GIN1: variants seen among roughly 807,000 people sequenced by gnomAD.
GIN1 encodes the protein gypsy retrotransposon integrase-like protein 1.
Under a neutral mutation model 51.4 loss-of-function variants are expected in GIN1, and 41 were observed. That is an observed-to-expected ratio of 0.80 (90% CI 0.62 to 1.04). The LOEUF (loss-of-function observed/expected upper bound fraction) is 1.04, where lower values mean the gene tolerates loss of function less well. Among genes scored for constraint, GIN1 ranks in the 50% least tolerant of loss-of-function variants. GIN1 has a pLI of 0.00. For synonymous variants in GIN1, 222 were observed against 206.5 expected, an observed-to-expected ratio of 1.07 and a Z score of -0.64; for missense variants, 610 against 612.4, an observed-to-expected ratio of 1.00 and a Z score of 0.04.
At chr5:103,109,769 C>T (rs1787822534) in intron 1 of GIN1, among the ~76,000 whole-genome samples, 2 of 151,994 alleles carry the variant, frequency 1.3e-5, no homozygotes, top group South Asian at 2.1e-4. Flanking sequence ...ATGGCTGCAT[C>T]CCAAACCAAA....
rs371862733 is a variant in GIN1 at position 103,113,844 on chromosome 5, C to G, written c.-7-5130G>C. On this transcript the variant is annotated intron_variant, in intron 1 of 7. Coordinates refer to ENST00000399004, the MANE Select transcript of GIN1 (RefSeq NM_017676.2). ...GCCCCAAGGTCCAACCTCTTAATAC[C>G]ATCACCTTGGTGGTTAGGATTTCAA... Among the ~76,000 whole-genome samples, 18 of 152,270 alleles carry G rather than the reference C, an allele frequency of 1.2e-4. No homozygotes were observed. The East Asian group carries it at 3.1e-3, about 26-fold the overall frequency.
chr5:103,109,592 A>G (rs1253015383), intron 1 of GIN1, among the ~76,000 whole-genome samples: 3 of 152,170 alleles, frequency 2.0e-5, no homozygotes, highest in African/African-American at 7.2e-5. Flanking sequence ...AACATAAAGT[A>G]TATGTCAATT....
rs151209399 is a variant in GIN1 at position 103,103,882 on chromosome 5, C to T, written c.639+659G>A. 6.4e-3 allele frequency among the ~76,000 whole-genome samples: 974 copies of T among 152,228 alleles called. 15 individuals carry two copies. The highest frequency in any genetic ancestry group is 0.023 in the African/African-American group (938 of 41,548). On this transcript the variant is annotated intron_variant, in intron 4 of 7. Transcript: ENST00000399004. ...TCAGTTCATTGTAACCTCCGCCTCC[C>T]GGGCTCAAGTGATCCTCCTATCTCA...
chr5:103,105,245 T>C (rs1222818448), intron 3 of GIN1, among the ~76,000 whole-genome samples: 1 of 152,130 alleles, frequency 6.6e-6, no homozygotes, highest in African/African-American at 2.4e-5. Flanking sequence ...ATGAGTAGAT[T>C]TGGTGACAGG....
rs199812547 is a variant in GIN1 at position 103,097,706 on chromosome 5, T to C, written c.715A>G (p.Thr239Ala). The C allele has an allele frequency of 6.3e-7, 1 of 1,594,238 alleles. No homozygotes were observed. Among genetic ancestry groups the C allele is most frequent in the Non-Finnish European group, 8.6e-7 (1 of 1,161,744 alleles). The change falls in exon 5 of 8, where the codon ACG (threonine) becomes GCG (alanine). Residue 239 changes from threonine (T) to alanine (A), a missense_variant. Transcript: ENST00000399004. ...TTGATTGTGTTAGGTGTACTTTCCG[T>C]TGGGTTAACAGTTCCAGAGGTGTGA... ...ISHTSGTVNP[T>A]ESTPNTIKAF... is the part of the protein sequence containing the mutation.
At chr5:103,107,418 C>G (rs915457023) in intron 2 of GIN1, among the ~76,000 whole-genome samples, 2 of 152,076 alleles carry the variant, frequency 1.3e-5, no homozygotes, top group Admixed American at 1.3e-4. Flanking sequence ...GTGGAAAAAA[C>G]TGTAATCCTC....
intron 4 of GIN1, among the ~76,000 whole-genome samples, chr5:103,103,606 G>T (rs1398474630): frequency 1.3e-5 from 2 of 152,240 alleles, no homozygotes; most frequent in Admixed American, 6.5e-5. Context: ...AGCAGTTGTT[G>T]TATTTCTTAT....
Position 103,087,886 on chromosome 5 carries a change from T to A in GIN1, c.*12A>T, listed in dbSNP as rs782087240. The A allele has an allele frequency of 8.5e-7, 1 of 1,170,270 alleles. No homozygotes were observed. The highest frequency in any genetic ancestry group is 2.5e-5 in the Admixed American group (1 of 40,080). 72.5% of individuals were successfully genotyped at this position (1,170,270 alleles called of 1,614,324 possible). ...ATTCTAAACAAACAATTTAAATAAA[T>A]TTTGGTATTTACTAACTTAAGTATT... On this transcript the variant is annotated 3_prime_UTR_variant, in exon 8 of 8. Transcript: ENST00000399004.
chr5:103,097,704 C>G lies in GIN1; in HGVS notation c.717G>C (p.Thr239=), dbSNP rs376542571. The change falls in exon 5 of 8, where the codon ACG becomes ACC. Residue 239 remains threonine (T), a synonymous_variant. Coordinates refer to ENST00000399004, the MANE Select transcript of GIN1 (RefSeq NM_017676.2). The part of the protein sequence containing the change: ...ISHTSGTVNP[T]ESTPNTIKAF... Reference sequence around the variant, plus strand: ...CTTTGATTGTGTTAGGTGTACTTTCCGTTGGGTTAACAGTTCCAGAGGTGT... The same window carrying G: ...CTTTGATTGTGTTAGGTGTACTTTCGGTTGGGTTAACAGTTCCAGAGGTGT... 16 of 1,599,542 alleles carry G rather than the reference C, an allele frequency of 1.0e-5. No individual in the cohort carries two copies. The highest frequency in any genetic ancestry group is 1.4e-5 in the Non-Finnish European group (16 of 1,166,806).
At chr5:103,098,803 C>T (rs1787482531) in intron 4 of GIN1, among the ~76,000 whole-genome samples, 1 of 152,032 alleles carries the variant, frequency 6.6e-6, no homozygotes, top group South Asian at 2.1e-4. Flanking sequence ...CAAAAACAAC[C>T]CACTAGGTCA....
At chr5:103,116,510 A>G (rs1788033404) in intron 1 of GIN1, among the ~76,000 whole-genome samples, 1 of 152,126 alleles carries the variant, frequency 6.6e-6, no homozygotes, top group Non-Finnish European at 1.5e-5. Context: ...ACAACTTAAA[A>G]CTATACAACT....
At chr5:103,099,337 G>T (rs1327854396) in intron 4 of GIN1, among the ~76,000 whole-genome samples, 1 of 151,798 alleles carries the variant, frequency 6.6e-6, no homozygotes, top group Non-Finnish European at 1.5e-5. Flanking sequence ...CAATAGGAGT[G>T]ACTCTCAATC....
At chr5:103,092,945 C>CAAAAAAAAAAA in intron 7 of GIN1, among the ~76,000 whole-genome samples, 5 of 60,466 alleles carry the variant, frequency 8.3e-5, no homozygotes, top group East Asian at 1.1e-3. Context: ...GAACCTGTCT[C>CAAAAAAAAAAA]AAAAAAAAAA....
intron 1 of GIN1, 120 bp downstream of exon 1, chr5:103,119,944 C>G (rs1788358870): frequency 6.5e-6 from 1 of 152,864 alleles, no homozygotes; most frequent in East Asian, 1.9e-4. Context: ...AATCTCCCCA[C>G]AGACTCAATT....
rs1470987244 is a variant in GIN1 at position 103,087,821 on chromosome 5, TACA to T, written c.*74_*76del. The T allele has an allele frequency of 1.1e-5, 7 of 621,734 alleles. No individual in the cohort carries two copies. The highest frequency in any genetic ancestry group is 1.8e-5 in the African/African-American group (1 of 54,142). 38.5% of individuals were successfully genotyped at this position (621,734 alleles called of 1,614,324 possible). ...AGAATGTGTCAAGATACTTCTTCTA[TACA>T]ACGTTTTTAATGAATAAGATATCAT... On this transcript the variant is annotated 3_prime_UTR_variant, in exon 8 of 8. Transcript: ENST00000399004.
chr5:103,104,111 G>A (rs1440166264), intron 4 of GIN1, among the ~76,000 whole-genome samples: 1 of 151,960 alleles, frequency 6.6e-6, no homozygotes, highest in African/African-American at 2.4e-5. Context: ...CCACCACCAT[G>A]CCCAGTTAAA....
intron 7 of GIN1, among the ~76,000 whole-genome samples, chr5:103,089,420 T>C (rs1164271753): frequency 6.6e-6 from 1 of 151,786 alleles, no homozygotes; most frequent in Non-Finnish European, 1.5e-5. Context: ...TATTTATTTA[T>C]CTTTATTTAC....
At chr5:103,100,535 G>A (rs912089251) in intron 4 of GIN1, among the ~76,000 whole-genome samples, 1 of 151,848 alleles carries the variant, frequency 6.6e-6, no homozygotes, top group Admixed American at 6.6e-5. Flanking sequence ...GGGACTATGA[G>A]TGTGCAACAC....
In GIN1 at chr5:103,096,761, T is replaced by C. The variant is rs753391143; in HGVS notation, c.1074A>G (p.Gln358=). ...SKIIVKKKPK[Q]LNPFHLKVGH... is the part of the protein sequence containing the mutation. ...CCACTTTTAAATGAAATGGATTTAA[T>C]TGTTTGGGTTTCTTTTTAACAATGA... The change falls in exon 7 of 8, where the codon CAA becomes CAG. Residue 358 remains glutamine (Q), a synonymous_variant. Transcript: ENST00000399004. 85 of 1,610,120 alleles carry C rather than the reference T, an allele frequency of 5.3e-5. No individual in the cohort carries two copies. Among genetic ancestry groups the C allele is most frequent in the Non-Finnish European group, 6.7e-5 (79 of 1,176,490 alleles).
Sources: gnomAD v4.1 joint callset for allele counts (sites outside exome capture counted in the v4.1 genomes callset) on GRCh38, gnomAD v4.1.1 for gene constraint, MANE v1.5 for transcripts, NCBI Gene and HGNC (gene_info 2026-07-23, HGNC 2026-07-21) for gene names.